IGFN1: variants seen among roughly 807,000 people sequenced by gnomAD.
IGFN1 encodes immunoglobulin like and fibronectin type III domain containing 1.
A neutral mutation model predicts 289.5 loss-of-function variants in IGFN1; 253 were observed. The observed-to-expected ratio is 0.87, with a 90% CI of 0.79 to 0.97. The LOEUF is 0.97. Among genes scored for constraint, IGFN1 ranks in the 50% least tolerant of loss-of-function variants. The probability of loss-of-function intolerance (pLI) is 0.00; values close to 1 mark genes in which losing one functional copy is unlikely to be tolerated. For missense variants in IGFN1, 4,470 were observed against 4,686.1 expected (o/e 0.95, Z 1.35); for synonymous variants, 1,706 against 1,788.5 (o/e 0.95, Z 1.16).
At chr1:201,223,714 C>T (rs972119967) in intron 20 of IGFN1, among the ~76,000 whole-genome samples, 1 of 152,144 alleles carries the variant, frequency 6.6e-6, no homozygotes, top group Admixed American at 6.5e-5. Flanking sequence ...CCTTCCTCAT[C>T]TGTCAAAAGG....
At position 201,227,044 on chromosome 1, in the gene IGFN1, A is replaced by G; in HGVS notation, c.10949A>G (p.Asn3650Ser). The change falls in exon 23 of 24, where the codon AAT becomes AGT. Residue 3650 changes from asparagine (N) to serine (S), a missense_variant. Physicochemically the swap from Asn to Ser is conservative, Grantham distance 46 (BLOSUM62 1). Coordinates refer to ENST00000335211, the MANE Select transcript of IGFN1 (RefSeq NM_001164586.2). ...CGGCCCCACGTCACCTGGTTCAAGA[A>G]TGACCGCAGCCTGGAAGGAAACCCC... Reference protein sequence around the residue: ...SPRPHVTWFKNDRSLEGNPAV... With the variant: ...SPRPHVTWFKSDRSLEGNPAV... The G allele has an allele frequency of 6.2e-7, 1 of 1,613,658 alleles. No individual in the cohort carries two copies. Among genetic ancestry groups the G allele is most frequent in the East Asian group, 2.2e-5 (1 of 44,882 alleles).
intron 22 of IGFN1, among the ~76,000 whole-genome samples, chr1:201,226,494 TCA>T (rs1303090348): frequency 6.6e-6 from 1 of 152,198 alleles, no homozygotes; most frequent in Non-Finnish European, 1.5e-5. Flanking sequence ...TTAAGATCAG[TCA>T]CAGAAAAGCA....
chr1:201,224,712 G>C lies in IGFN1; in HGVS notation c.10324G>C (p.Asp3442His). 6.2e-7 allele frequency: 1 copy of C among 1,614,160 alleles called. No individual in the cohort carries two copies. Among genetic ancestry groups the C allele is most frequent in the Non-Finnish European group, 8.5e-7 (1 of 1,180,022 alleles). ...CATGCCTGAGGTGACCTGGCTGAAG[G>C]ATGGCTTGCCCTTGCCCAAAAGAAG... is the stretch of plus-strand genomic sequence containing the variant. ...MPMPEVTWLK[D>H]GLPLPKRSVT... Residue 3442 changes from aspartate (D) to histidine (H), a missense_variant, in exon 21 of 24, where the codon GAT becomes CAT. This residue lies in a region of IGFN1 where 2,218 missense variants were observed against 2,114.1 expected (regional missense o/e 1.05). Coordinates refer to ENST00000335211, the MANE Select transcript of IGFN1 (RefSeq NM_001164586.2).
In IGFN1 at chr1:201,216,625, CTGA is replaced by C; in HGVS notation, c.9468_9470del (p.Asp3157del). The C allele has an allele frequency of 6.2e-7, 1 of 1,613,820 alleles. No homozygotes were observed. Among genetic ancestry groups the C allele is most frequent in the African/African-American group, 1.3e-5 (1 of 74,912 alleles). On this transcript the variant is annotated inframe_deletion, in exon 16 of 24. Transcript: ENST00000335211. Reference sequence around the variant, plus strand: ...TGGCTGAAGGTGGGCGAGGCCCCCGCTGACAGCACCACCTTCACGGATGCCCAT... The same window carrying C: ...TGGCTGAAGGTGGGCGAGGCCCCCGCCAGCACCACCTTCACGGATGCCCAT...
chr1:201,211,560 G>A lies in IGFN1; in HGVS notation c.6667G>A (p.Gly2223Arg), dbSNP rs1216803120. The A allele has an allele frequency of 6.6e-7, 1 of 1,524,262 alleles. No homozygotes were observed. The allele number at this position is 1,524,262 out of a possible 1,614,324, so 94.4% of individuals were successfully genotyped here. A position where few individuals can be genotyped will look rare whatever the true frequency, so the allele number is the denominator to read the frequency against. Residue 2223 changes from glycine to arginine, a missense_variant, in exon 12 of 24, where the codon GGA (glycine) becomes AGA (arginine). Physicochemically the swap from Gly to Arg is moderately radical, Grantham distance 125 (BLOSUM62 -2). Around this residue, in one of 8 missense-constraint regions of IGFN1, gnomAD observed 2,218 missense variants for 2,114.1 expected, o/e 1.05. Coordinates refer to ENST00000335211, the MANE Select transcript of IGFN1 (RefSeq NM_001164586.2). ...TAGGAAGGATTTGGGGGCTCCTAAG[G>A]GAATGGGTTCAGGGAGTAAGGCAGG... ...GYRKDLGAPK[G>R]MGSGSKAGFR... is the part of the protein sequence containing the mutation.
Position 201,228,705 on chromosome 1 carries a change from C to A in IGFN1, c.*306C>A. The stretch of plus-strand genomic sequence containing the variant: ...TTCAGGAGATCCAGAGGGCACCTGC[C>A]TGCAGGATGGGCCGGCTCCTTATTT... On this transcript the variant is annotated 3_prime_UTR_variant, in exon 24 of 24. Transcript: ENST00000335211. 1 of 443,040 alleles carries A rather than the reference C, an allele frequency of 2.3e-6. No homozygotes were observed. The highest frequency in any genetic ancestry group is 4.1e-6 in the Non-Finnish European group (1 of 243,470). The allele number at this position is 443,040 out of a possible 1,614,324, so 27.4% of individuals were successfully genotyped here.
chr1:201,194,492 G>T (rs1157147803), intron 3 of IGFN1, among the ~76,000 whole-genome samples: 1 of 152,220 alleles, frequency 6.6e-6, no homozygotes, highest in East Asian at 1.9e-4. Context: ...AGAGTGAAGA[G>T]ACACCATGCT....
chr1:201,226,602 T>C (rs1271311098), intron 22 of IGFN1, among the ~76,000 whole-genome samples: 2 of 152,220 alleles, frequency 1.3e-5, no homozygotes, highest in Non-Finnish European at 2.9e-5. Context: ...CTATAGGTAG[T>C]GAGATTATGA....
chr1:201,200,622 T>C (rs1173137763), intron 8 of IGFN1, among the ~76,000 whole-genome samples: 1 of 152,180 alleles, frequency 6.6e-6, no homozygotes, highest in East Asian at 1.9e-4. Flanking sequence ...TTCTGATACT[T>C]ACTAAACTCT....
Position 201,199,635 on chromosome 1 carries a change from C to G in IGFN1, c.439C>G (p.Arg147Gly), listed in dbSNP as rs776138378. 25 of 1,551,442 alleles carry G rather than the reference C, an allele frequency of 1.6e-5. No homozygotes were observed. The highest frequency in any genetic ancestry group is 1.9e-5 in the Non-Finnish European group (22 of 1,146,930). ...EDLRKELMDFRKLLKKRAPPA... is the reference protein window; with the variant it reads ...EDLRKELMDFGKLLKKRAPPA... ...CCTCAGGAAGGAGCTGATGGACTTC[C>G]GGAAGTTGCTGAAAAAGAGGTGGGT... The change falls in exon 7 of 24, where the codon CGG becomes GGG. Residue 147 changes from arginine (R) to glycine (G), a missense_variant. Coordinates refer to ENST00000335211, the MANE Select transcript of IGFN1 (RefSeq NM_001164586.2).
intron 21 of IGFN1, 64 bp downstream of exon 21, chr1:201,224,938 TC>T: frequency 8.0e-7 from 1 of 1,251,736 alleles, no homozygotes; most frequent in Non-Finnish European, 1.1e-6. Context: ...CAAAGAGGTG[TC>T]CACTGGTCTG....
rs1456655302 is a variant in IGFN1 at position 201,208,339 on chromosome 1, G to A, written c.3446G>A (p.Gly1149Glu). 5 of 1,487,394 alleles carry A rather than the reference G, an allele frequency of 3.4e-6. No homozygotes were observed. The South Asian group carries it at 4.1e-5, about 12-fold the overall frequency. 92.1% of individuals were successfully genotyped at this position (1,487,394 alleles called of 1,614,324 possible). ...GGYEDGSGGPGAMGPGSLRAG... is the reference protein window; with the variant it reads ...GGYEDGSGGPEAMGPGSLRAG... Reference sequence around the variant, plus strand: ...TATGAAGATGGCTCTGGGGGTCCAGGAGCCATGGGACCAGGGTCTCTGAGG... The same window carrying A: ...TATGAAGATGGCTCTGGGGGTCCAGAAGCCATGGGACCAGGGTCTCTGAGG... Residue 1149 changes from glycine to glutamate, a missense_variant, in exon 12 of 24, where the codon GGA becomes GAA. Coordinates refer to ENST00000335211, the MANE Select transcript of IGFN1 (RefSeq NM_001164586.2).
intron 3 of IGFN1, 90 bp downstream of exon 3, chr1:201,194,363 G>C (rs1456948243): frequency 1.4e-6 from 2 of 1,426,782 alleles, no homozygotes; most frequent in African/African-American, 2.8e-5. Context: ...CCTTCCTGGG[G>C]ACCCAGGCCC....
In IGFN1 at chr1:201,221,634, C is replaced by A; in HGVS notation, c.10089C>A (p.Ala3363=). ...VGTVPVTTYT[A]KGLRPGEGYF... ...CCGTGCCAGTCACCACCTACACGGC[C>A]AAGGGGCTTCGGCCTGGAGAGGGCT... The change falls in exon 19 of 24, where the codon GCC becomes GCA. Residue 3363 remains alanine (A), a synonymous_variant. Coordinates refer to ENST00000335211, the MANE Select transcript of IGFN1 (RefSeq NM_001164586.2). 1.2e-6 allele frequency: 2 copies of A among 1,614,218 alleles called. No homozygotes were observed. The highest frequency in any genetic ancestry group is 1.7e-6 in the Non-Finnish European group (2 of 1,180,026).
intron 20 of IGFN1, among the ~76,000 whole-genome samples, chr1:201,223,621 C>T (rs181832619): frequency 5.3e-5 from 8 of 152,288 alleles, no homozygotes; most frequent in African/African-American, 1.7e-4. Flanking sequence ...AGTCTGCCCA[C>T]CTCGGCCTCC....
Position 201,206,828 on chromosome 1 carries a change from T to C in IGFN1, c.1935T>C (p.Ser645=). 1 of 1,535,954 alleles carries C rather than the reference T, an allele frequency of 6.5e-7. No homozygotes were observed. Among genetic ancestry groups the C allele is most frequent in the South Asian group, 1.2e-5 (1 of 83,994 alleles). ...LAEMDRGDAP[S]RERGRGIVVW... ...AGATGGACAGAGGGGATGCTCCAAG[T>C]AGGGAAAGGGGGAGAGGAATAGTAG... The change falls in exon 12 of 24, where the codon AGT becomes AGC. Residue 645 remains serine, a synonymous_variant. Coordinates refer to ENST00000335211, the MANE Select transcript of IGFN1 (RefSeq NM_001164586.2).
Position 201,206,343 on chromosome 1 carries a change from G to T in IGFN1, c.1450G>T (p.Gly484Cys), listed in dbSNP as rs1667420274. ...CAAAGGGACAGCTGACTCAGCCTGG[G>T]GCCCTGGACAGGAGGGCGAGGGCTT... ...GDKGTADSAW[G>C]PGQEGEGFPV... The change falls in exon 12 of 24, where the codon GGC (glycine) becomes TGC (cysteine). Residue 484 changes from glycine to cysteine, a missense_variant. By Grantham distance (159) the Gly-to-Cys change is radical (BLOSUM62 -3). Transcript: ENST00000335211. 1.3e-6 allele frequency: 2 copies of T among 1,550,468 alleles called. No homozygotes were observed. Among genetic ancestry groups the T allele is most frequent in the Non-Finnish European group, 1.7e-6 (2 of 1,146,984 alleles).
intron 8 of IGFN1, 73 bp downstream of exon 8, chr1:201,200,484 G>T: frequency 7.8e-7 from 1 of 1,276,814 alleles, no homozygotes; most frequent in South Asian, 1.4e-5. Flanking sequence ...CTCACACCTG[G>T]AGGTGGGCTT....
In IGFN1 at chr1:201,208,263, T is replaced by G. The variant is rs187212242; in HGVS notation, c.3370T>G (p.Tyr1124Asp). 5.0e-5 allele frequency: 77 copies of G among 1,535,332 alleles called. No individual in the cohort carries two copies. Among genetic ancestry groups the G allele is most frequent in the Non-Finnish European group, 6.1e-5 (70 of 1,146,510 alleles). ...RIRPWGQTGN[Y>D]GGFRASEALG... ...AAGGCCTTGGGGTCAGACTGGAAAT[T>G]ATGGGGGCTTCAGAGCCTCAGAGGC... The change falls in exon 12 of 24, where the codon TAT (tyrosine) becomes GAT (aspartate). Residue 1124 changes from tyrosine to aspartate, a missense_variant. Physicochemically the swap from Tyr to Asp is radical, Grantham distance 160. Around this residue, in one of 8 missense-constraint regions of IGFN1, gnomAD observed 2,011 missense variants for 1,953.4 expected, o/e 1.03. Coordinates refer to ENST00000335211, the MANE Select transcript of IGFN1 (RefSeq NM_001164586.2).
Sources: gnomAD v4.1 joint callset for allele counts (sites outside exome capture counted in the v4.1 genomes callset) on GRCh38, gnomAD v4.1.1 for gene constraint, gnomAD v4.1.1 regional missense constraint, MANE v1.5 for transcripts, NCBI Gene and HGNC (gene_info 2026-07-23, HGNC 2026-07-21) for gene names.